The following NHSL3 variants were observed in gnomAD, a reference collection of about 807,000 sequenced individuals.
NHSL3 encodes the protein NHS-like protein 3.
the NHSL3 span, among the ~76,000 whole-genome samples, chr1:32,761,607 G>A: frequency 6.6e-6 from 1 of 152,186 alleles, no homozygotes; most frequent in African/African-American, 2.4e-5. Flanking sequence ...AAGTCACTTA[G>A]CTCTCTGAGC....
chr1:32,753,987 G>GT, the NHSL3 span: 1 of 392,666 alleles, frequency 2.5e-6, no homozygotes, highest in Non-Finnish European at 4.6e-6. Context: ...GGCGCCCGCG[G>GT]TGCCCGCCCG....
At chr1:32,762,663 C>A in the NHSL3 span, among the ~76,000 whole-genome samples, 1 of 152,032 alleles carries the variant, frequency 6.6e-6, no homozygotes, top group African/African-American at 2.4e-5. Context: ...GATCTCGGCT[C>A]ACTGCAATCT....
the NHSL3 span, among the ~76,000 whole-genome samples, chr1:32,763,937 G>A: frequency 0.015 from 2,282 of 151,920 alleles, 55 homozygotes; most frequent in African/African-American, 0.051. Flanking sequence ...CATGGCTCAC[G>A]GCAGCCCCAA....
At chr1:32,771,844 C>T in the NHSL3 span, 5 of 1,606,444 alleles carry the variant, frequency 3.1e-6, 1 homozygote, top group Non-Finnish European at 8.5e-7. Context: ...GATGGTGCGG[C>T]TGCGCTCCGT....
At chr1:32,774,745 C>G in the NHSL3 span, 1 of 152,442 alleles carries the variant, frequency 6.6e-6, no homozygotes. Flanking sequence ...CCTTCTTTGT[C>G]CTCTGGGGTA....
the NHSL3 span, chr1:32,770,442 C>T: frequency 1.9e-6 from 3 of 1,607,296 alleles, no homozygotes; most frequent in Non-Finnish European, 2.5e-6. The surrounding 1 kb of genome is among the most constrained non-coding windows in gnomAD (Gnocchi z 8.3). Flanking sequence ...ACTCTCAATC[C>T]TCCGACACCA....
chr1:32,769,607 A>G, the NHSL3 span: 1 of 1,194,534 alleles, frequency 8.4e-7, no homozygotes, highest in Non-Finnish European at 1.2e-6. Context: ...TTACAAAAGT[A>G]GTGCCCTGCA....
the NHSL3 span, chr1:32,769,032 C>T: frequency 1.4e-4 from 49 of 354,948 alleles, no homozygotes; most frequent in Admixed American, 1.2e-3. Flanking sequence ...GGGCGGGTCA[C>T]GAGGTCAGGA....
chr1:32,742,692 G>C, the NHSL3 span, among the ~76,000 whole-genome samples: 1 of 152,224 alleles, frequency 6.6e-6, no homozygotes, highest in Non-Finnish European at 1.5e-5. Flanking sequence ...GGAGCACAGT[G>C]TGCCCTGCCT....
the NHSL3 span, chr1:32,771,230 C>T: frequency 1.2e-6 from 2 of 1,613,068 alleles, no homozygotes; most frequent in Non-Finnish European, 1.7e-6. Flanking sequence ...AACCCAGCTG[C>T]CCCTGCTCTA....
chr1:32,772,522 T>C, the NHSL3 span: 2 of 1,481,814 alleles, frequency 1.3e-6, no homozygotes. Context: ...GGGGGATTTG[T>C]TCTTGGATCT....
the NHSL3 span, chr1:32,765,669 C>T: frequency 1.3e-6 from 2 of 1,535,326 alleles, no homozygotes; most frequent in South Asian, 1.2e-5. Context: ...GGCGGGAGGG[C>T]TCGCATCCCC....
At chr1:32,763,520 C>T in the NHSL3 span, among the ~76,000 whole-genome samples, 1 of 152,126 alleles carries the variant, frequency 6.6e-6, no homozygotes, top group South Asian at 2.1e-4. Context: ...CCCTGACTGG[C>T]TCCTCAGTAT....
At chr1:32,750,107 C>A in the NHSL3 span, among the ~76,000 whole-genome samples, 2 of 152,200 alleles carry the variant, frequency 1.3e-5, no homozygotes, top group Non-Finnish European at 2.9e-5. Context: ...CAGGGACACA[C>A]ACCTTCCTTG....
the NHSL3 span, chr1:32,768,856 G>A: frequency 3.3e-6 from 5 of 1,504,560 alleles, no homozygotes; most frequent in Admixed American, 2.0e-5. Flanking sequence ...CTTATCCAGT[G>A]TTTCACCAGG....
the NHSL3 span, chr1:32,772,858 C>G: frequency 6.2e-7 from 1 of 1,613,754 alleles, no homozygotes; most frequent in South Asian, 1.1e-5. Context: ...TTATTTTTCT[C>G]CCCCAGACTC....
chr1:32,760,416 C>G, the NHSL3 span, among the ~76,000 whole-genome samples: 1 of 152,178 alleles, frequency 6.6e-6, no homozygotes, highest in Non-Finnish European at 1.5e-5. Context: ...GCTCCCTCCC[C>G]GATTCTTCCC....
At chr1:32,772,711 T>C in the NHSL3 span, among the ~76,000 whole-genome samples, 1 of 152,302 alleles carries the variant, frequency 6.6e-6, no homozygotes, top group African/African-American at 2.4e-5. Context: ...TTATAGTGTC[T>C]GAACATGTGT....
chr1:32,768,694 A>T, the NHSL3 span: 1 of 1,614,182 alleles, frequency 6.2e-7, no homozygotes. Context: ...CTCCTTCTGC[A>T]GTCAGACCAC....
Sources: gnomAD v4.1 joint callset for allele counts (sites outside exome capture counted in the v4.1 genomes callset) on GRCh38, gnomAD v4.1.1 for gene constraint, Gnocchi (gnomAD v3.1) non-coding constraint, MANE v1.5 for transcripts, NCBI Gene and HGNC (gene_info 2026-07-23, HGNC 2026-07-21) for gene names.